Variants in SHISA2 observed in about 807,000 individuals in gnomAD.
SHISA2 encodes shisa family member 2.
A neutral mutation model predicts 23.8 loss-of-function variants in SHISA2; 16 were observed. The observed-to-expected ratio is 0.67, with a 90% CI of 0.46 to 1.02. SHISA2 has a LOEUF of 1.02. SHISA2 is among the 50% of genes least tolerant of loss of function. SHISA2 has a pLI of 0.00. For missense variants in SHISA2, 459 were observed against 420.1 expected (o/e 1.09, Z -0.81); for synonymous variants, 201 against 178.6 (o/e 1.13, Z -1.00).
rs1399710920 is a variant in SHISA2 at position 26,045,753 on chromosome 13, T to A, written c.*760A>T. ...TTCCTTTTAGAATAGTCCTGTTATTTGCGTCTTCCCCTTAACCTTGGATGC... is the reference window on the plus strand; with the variant it reads ...TTCCTTTTAGAATAGTCCTGTTATTAGCGTCTTCCCCTTAACCTTGGATGC... On this transcript the variant is annotated 3_prime_UTR_variant, in exon 2 of 2. Transcript: ENST00000319420. 12 of 151,820 alleles carry A rather than the reference T, an allele frequency of 7.9e-5. No homozygotes were observed. Among genetic ancestry groups the A allele is most frequent in the African/African-American group, 2.9e-4 (12 of 41,302 alleles). The allele number at this position is 151,820 out of a possible 1,614,324, so 9.4% of individuals were successfully genotyped here.
At chr13:26,049,352 A>G (rs1056478663) in intron 1 of SHISA2, among the ~76,000 whole-genome samples, 1 of 152,230 alleles carries the variant, frequency 6.6e-6, no homozygotes, top group African/African-American at 2.4e-5. Flanking sequence ...AGCATGAAGA[A>G]GGCATCCATG....
intron 1 of SHISA2, among the ~76,000 whole-genome samples, chr13:26,049,861 A>G (rs1009276446): frequency 2.7e-5 from 1 of 36,446 alleles, no homozygotes; most frequent in Non-Finnish European, 6.4e-5. Flanking sequence ...CCCGAAATAA[A>G]TAACACACAC....
At position 26,046,787 on chromosome 13, in the gene SHISA2, T is replaced by C. The variant is rs759560845; in HGVS notation, c.614A>G (p.Asn205Ser). ...ARAPPTRSQTNCCLPEGTMNN... is the reference protein window; with the variant it reads ...ARAPPTRSQTSCCLPEGTMNN... ...CATGGTCCCTTCCGGCAAGCAACAG[T>C]TGGTCTGTGACCTTGTTGGGGGCGC... Residue 205 changes from asparagine (N) to serine (S), a missense_variant, in exon 2 of 2, where the codon AAC becomes AGC. Coordinates refer to ENST00000319420, the MANE Select transcript of SHISA2 (RefSeq NM_001007538.2). The C allele has an allele frequency of 5.0e-5, 80 of 1,614,086 alleles. 1 individual carries two copies. The South Asian group carries it at 7.8e-4, about 16-fold the overall frequency.
chr13:26,051,653 G>A lies in SHISA2; in HGVS notation c.-678C>T, dbSNP rs1957305545. Among the ~76,000 whole-genome samples, 1 of 152,068 alleles carries A rather than the reference G, an allele frequency of 6.6e-6. No homozygotes were observed. The highest frequency in any genetic ancestry group is 1.5e-5 in the Non-Finnish European group (1 of 67,980). On this transcript the variant is annotated 5_prime_UTR_variant, in exon 1 of 2. Coordinates refer to ENST00000319420, the MANE Select transcript of SHISA2 (RefSeq NM_001007538.2). The stretch of plus-strand genomic sequence containing the variant: ...CGGCCAATCTTCCCAGCACGTCGCC[G>A]AGGGAGCGCTCCTGACCCCGGGAAC...
Position 26,046,455 on chromosome 13 carries a change from G to C in SHISA2, c.*58C>G, listed in dbSNP as rs1352344471. 1.3e-6 allele frequency: 2 copies of C among 1,519,710 alleles called. No homozygotes were observed. The highest frequency in any genetic ancestry group is 1.8e-6 in the Non-Finnish European group (2 of 1,130,516). The allele number at this position is 1,519,710 out of a possible 1,614,324, so 94.1% of individuals were successfully genotyped here. A position where few individuals can be genotyped will look rare whatever the true frequency, so the allele number is the denominator to read the frequency against. On this transcript the variant is annotated 3_prime_UTR_variant, in exon 2 of 2. Transcript: ENST00000319420. Reference sequence around the variant, plus strand: ...ACCGACATGTGCGGACTTCCACCTCGAGAATCCACCCCTGCCTTCGTCTCC... The same window carrying C: ...ACCGACATGTGCGGACTTCCACCTCCAGAATCCACCCCTGCCTTCGTCTCC...
chr13:26,050,679 A>G lies in SHISA2; in HGVS notation c.297T>C (p.Pro99=). 1 of 1,458,004 alleles carries G rather than the reference A, an allele frequency of 6.9e-7. No individual in the cohort carries two copies. Among genetic ancestry groups the G allele is most frequent in the Non-Finnish European group, 9.0e-7 (1 of 1,113,264 alleles). The allele number at this position is 1,458,004 out of a possible 1,614,324, so 90.3% of individuals were successfully genotyped here. ...CGGGGCCGTCTTTGTCCGCCCGGCC[A>G]GGCTCGCCAGCGCCCTGCTGGCGGT... ...DNDRQQGAGE[P]GRADKDGPDG... is the part of the protein sequence containing the mutation. Residue 99 remains proline (P), a synonymous_variant, in exon 1 of 2, where the codon CCT becomes CCC. Coordinates refer to ENST00000319420, the MANE Select transcript of SHISA2 (RefSeq NM_001007538.2).
intron 1 of SHISA2, 23 bp from the exon 2 acceptor site, chr13:26,047,089 A>G (rs1957274164): frequency 6.6e-7 from 1 of 1,518,230 alleles, no homozygotes; most frequent in Non-Finnish European, 8.8e-7. Flanking sequence ...ACAGAAACAC[A>G]ACATTATGAT....
At position 26,051,073 on chromosome 13, in the gene SHISA2, T is replaced by C; in HGVS notation, c.-98A>G. On this transcript the variant is annotated 5_prime_UTR_variant, in exon 1 of 2. Coordinates refer to ENST00000319420, the MANE Select transcript of SHISA2 (RefSeq NM_001007538.2). Reference sequence around the variant, plus strand: ...GACCCCCGGGCCTCGTCACTGACTGTCCCGCGGCGCTTTCCGCGCGGGCCA... The same window carrying C: ...GACCCCCGGGCCTCGTCACTGACTGCCCCGCGGCGCTTTCCGCGCGGGCCA... The C allele has an allele frequency of 8.7e-7, 1 of 1,144,760 alleles. No homozygotes were observed. 70.9% of individuals were successfully genotyped at this position (1,144,760 alleles called of 1,614,324 possible). A position where few individuals can be genotyped will look rare whatever the true frequency, so the allele number is the denominator to read the frequency against.
At chr13:26,048,963 T>C (rs61107468) in intron 1 of SHISA2, among the ~76,000 whole-genome samples, 64 of 152,316 alleles carry the variant, frequency 4.2e-4, no homozygotes, top group African/African-American at 1.5e-3. Flanking sequence ...ACACTATCAC[T>C]TCAGGCTAAC....
intron 1 of SHISA2, among the ~76,000 whole-genome samples, chr13:26,048,392 G>A (rs987608379): frequency 5.3e-5 from 8 of 152,114 alleles, no homozygotes; most frequent in African/African-American, 1.7e-4. Context: ...GAAAATAGAC[G>A]CAGGTTGACA....
Position 26,046,876 on chromosome 13 carries a change from C to A in SHISA2, c.525G>T (p.Gly175=), listed in dbSNP as rs41291664. Residue 175 remains glycine, a synonymous_variant, in exon 2 of 2, where the codon GGG becomes GGT. Coordinates refer to ENST00000319420, the MANE Select transcript of SHISA2 (RefSeq NM_001007538.2). ...PMIPSASTSR[G]SSSRQSSTAA... is the part of the protein sequence containing the mutation. ...CTGTGCTGGACTGGCGTGAGGACGA[C>A]CCCCGGGAGGTGCTGGCACTGGGGA... 8.1e-6 allele frequency: 13 copies of A among 1,613,396 alleles called. No individual in the cohort carries two copies. Among genetic ancestry groups the A allele is most frequent in the East Asian group, 6.7e-5 (3 of 44,886 alleles).
intron 1 of SHISA2, 122 bp downstream of exon 1, chr13:26,050,520 G>A (rs1957294549): frequency 2.9e-6 from 3 of 1,022,666 alleles, no homozygotes; most frequent in Admixed American, 4.1e-5. Flanking sequence ...TAAGCCAGAA[G>A]GCAGACTCCG....
At chr13:26,048,172 G>A (rs747451795) in intron 1 of SHISA2, among the ~76,000 whole-genome samples, 8 of 151,974 alleles carry the variant, frequency 5.3e-5, no homozygotes, top group African/African-American at 1.7e-4. Context: ...GTGTGGTGAC[G>A]CGCACCTATA....
chr13:26,050,926 G>T lies in SHISA2; in HGVS notation c.50C>A (p.Ser17Ter). 6.6e-7 allele frequency: 1 copy of T among 1,520,368 alleles called. No homozygotes were observed. Among genetic ancestry groups the T allele is most frequent in the Non-Finnish European group, 8.8e-7 (1 of 1,141,354 alleles). The allele number at this position is 1,520,368 out of a possible 1,614,324, so 94.2% of individuals were successfully genotyped here. A position where few individuals can be genotyped will look rare whatever the true frequency, so the allele number is the denominator to read the frequency against. The change falls in exon 1 of 2, where the codon TCG (serine) becomes TAG (stop). Residue 17 changes from serine (S) to a stop codon, truncating the protein, a stop_gained. Coordinates refer to ENST00000319420, the MANE Select transcript of SHISA2 (RefSeq NM_001007538.2). LOFTEE classifies it high-confidence loss of function. ...SSVSSSWNAA[S>*]LLQLLLAALL... Reference sequence around the variant, plus strand: ...CGCAGCCAGCAGCAGCTGCAGGAGCGAAGCGGCGTTCCAGGATGAGGAGAC... The same window carrying T: ...CGCAGCCAGCAGCAGCTGCAGGAGCTAAGCGGCGTTCCAGGATGAGGAGAC...
rs775528667 is a variant in SHISA2 at position 26,046,638 on chromosome 13, C to T, written c.763G>A (p.Asp255Asn). 44 of 1,614,106 alleles carry T rather than the reference C, an allele frequency of 2.7e-5. No homozygotes were observed. The highest frequency in any genetic ancestry group is 2.0e-4 in the East Asian group (9 of 44,894). The stretch of plus-strand genomic sequence containing the variant: ...GGCACAGCTGTCATGGGCACAGAGT[C>T]GTGCTGCACCGTGTACCCCACGTAT... ...PPYVGYTVQH[D>N]SVPMTAVPPF... The change falls in exon 2 of 2, where the codon GAC becomes AAC. Residue 255 changes from aspartate to asparagine, a missense_variant. Physicochemically the swap from Asp to Asn is conservative, Grantham distance 23. Transcript: ENST00000319420.
rs1957300943 is a variant in SHISA2, at chr13:26,051,097, C to G, written c.-122G>C. ...GTCCCGCGGCGCTTTCCGCGCGGGC[C>G]ACTCCCCTCTGCCGCGACGCCCAGG... On this transcript the variant is annotated 5_prime_UTR_variant, in exon 1 of 2. Transcript: ENST00000319420. 34 of 904,478 alleles carry G rather than the reference C, an allele frequency of 3.8e-5. 2 individuals are homozygous for G. In the South Asian group the frequency reaches 6.7e-4, roughly 18 times the overall value. 56.0% of individuals were successfully genotyped at this position (904,478 alleles called of 1,614,324 possible).
rs1593750021 is a variant in SHISA2, at chr13:26,050,809, T to C, written c.167A>G (p.Glu56Gly). 1 of 1,538,834 alleles carries C rather than the reference T, an allele frequency of 6.5e-7. No individual in the cohort carries two copies. Among genetic ancestry groups the C allele is most frequent in the East Asian group, 2.5e-5 (1 of 39,692 alleles). ...GGTGGCGTCGCCGCCGTCGAAGCGC[T>C]CGGGACACTGGAAGCCGATGCGCCA... The part of the protein sequence containing the change: ...GVWRIGFQCP[E>G]RFDGGDATIC... Residue 56 changes from glutamate (E) to glycine (G), a missense_variant, in exon 1 of 2, where the codon GAG becomes GGG. Glu to Gly is a moderately conservative substitution (Grantham distance 98, BLOSUM62 -2). Coordinates refer to ENST00000319420, the MANE Select transcript of SHISA2 (RefSeq NM_001007538.2).
chr13:26,049,281 C>T (rs1957284981), intron 1 of SHISA2, among the ~76,000 whole-genome samples: 6 of 152,128 alleles, frequency 3.9e-5, no homozygotes, highest in Admixed American at 3.3e-4. Flanking sequence ...AGGCATGTTG[C>T]CCTTCACTGC....
Position 26,050,888 on chromosome 13 carries a change from C to T in SHISA2, c.88G>A (p.Gly30Arg), listed in dbSNP as rs1263767900. 4 of 1,520,078 alleles carry T rather than the reference C, an allele frequency of 2.6e-6. No individual in the cohort carries two copies. The highest frequency in any genetic ancestry group is 8.8e-7 in the Non-Finnish European group (1 of 1,141,432). The allele number at this position is 1,520,078 out of a possible 1,614,324, so 94.2% of individuals were successfully genotyped here. ...CAGTACTCGCCGCTGGCCCTCGCCC[C>T]CGCCGCCAGCAGCGCAGCCAGCAGC... ...QLLLAALLAA[G>R]ARASGEYCHG... The change falls in exon 1 of 2, where the codon GGG becomes AGG. Residue 30 changes from glycine to arginine, a missense_variant. Gly to Arg is a moderately radical substitution (Grantham distance 125). Coordinates refer to ENST00000319420, the MANE Select transcript of SHISA2 (RefSeq NM_001007538.2).
Sources: allele counts gnomAD v4.1 joint callset (sites outside exome capture counted in the v4.1 genomes callset), GRCh38; gene constraint gnomAD v4.1.1; transcripts MANE v1.5; gene names NCBI Gene and HGNC (gene_info 2026-07-23, HGNC 2026-07-21).